The following STXBP4 variants were observed in gnomAD, a reference collection of about 807,000 sequenced individuals.
STXBP4 encodes syntaxin binding protein 4, also known as syntaxin-binding protein 4.
A neutral mutation model predicts 76.1 loss-of-function variants in STXBP4; 55 were observed. The observed-to-expected ratio is 0.72, with a 90% CI of 0.58 to 0.91. The LOEUF (loss-of-function observed/expected upper bound fraction) is 0.91. Among genes scored for constraint, STXBP4 ranks in the 40% least tolerant of loss-of-function variants. The probability of loss-of-function intolerance (pLI) is 0.00; values close to 1 mark genes in which losing one functional copy is unlikely to be tolerated. For synonymous variants in STXBP4, 201 were observed against 220.2 expected (o/e 0.91, Z 0.77); for missense variants, 618 against 636.9 (o/e 0.97, Z 0.32).
chr17:55,007,289 G>A (rs12051894), intron 7 of STXBP4, among the ~76,000 whole-genome samples: 30,210 of 150,874 alleles, frequency 0.2, 3,271 homozygotes, highest in Middle Eastern at 0.35. Flanking sequence ...AGCCAAGATC[G>A]TGCTACTGCA....
chr17:55,165,854 T>G lies in STXBP4; in HGVS notation c.*5943T>G, dbSNP rs1306252162. The G allele has an allele frequency of 6.6e-6, 1 of 152,382 alleles. No homozygotes were observed. Among genetic ancestry groups the G allele is most frequent in the Non-Finnish European group, 1.5e-5 (1 of 68,180 alleles). 9.4% of individuals were successfully genotyped at this position (152,382 alleles called of 1,614,324 possible). ...AGGATGCAGCAAGAAGTTGCCATCT[T>G]TGAAGCAGAGAGCAAGCCCTCACCA... is the stretch of plus-strand genomic sequence containing the variant. On this transcript the variant is annotated 3_prime_UTR_variant, in exon 18 of 18. Coordinates refer to ENST00000376352, the MANE Select transcript of STXBP4 (RefSeq NM_178509.6).
chr17:55,021,478 C>G (rs534454233), intron 8 of STXBP4, among the ~76,000 whole-genome samples: 4 of 152,142 alleles, frequency 2.6e-5, no homozygotes, highest in Non-Finnish European at 5.9e-5. Context: ...GAGCCATGAT[C>G]ATGCCACTGT....
At chr17:55,054,643 C>T (rs1242198359) in intron 12 of STXBP4, among the ~76,000 whole-genome samples, 2 of 152,070 alleles carry the variant, frequency 1.3e-5, no homozygotes, top group Non-Finnish European at 2.9e-5. Context: ...TCTCAGCTTC[C>T]TCATCTGCAA....
At chr17:55,008,449 T>G (rs1240530552) in intron 8 of STXBP4, among the ~76,000 whole-genome samples, 1 of 152,100 alleles carries the variant, frequency 6.6e-6, no homozygotes, top group Non-Finnish European at 1.5e-5. Context: ...GGAGAAAAGT[T>G]TTCTCACCCA....
At chr17:55,198,516 G>A in the STXBP4 span, among the ~76,000 whole-genome samples, 2 of 152,056 alleles carry the variant, frequency 1.3e-5, no homozygotes, top group Admixed American at 1.3e-4. Context: ...TCTCAACTAG[G>A]GGTGCACATA....
In STXBP4 at chr17:55,160,458, A is replaced by T. The variant is rs1598358899; in HGVS notation, c.*547A>T. The T allele has an allele frequency of 6.6e-6, 1 of 152,618 alleles. No homozygotes were observed. Among genetic ancestry groups the T allele is most frequent in the East Asian group, 1.9e-4 (1 of 5,188 alleles). The allele number at this position is 152,618 out of a possible 1,614,324, so 9.5% of individuals were successfully genotyped here. A position where few individuals can be genotyped will look rare whatever the true frequency, so the allele number is the denominator to read the frequency against. The stretch of plus-strand genomic sequence containing the variant: ...TTCTAATTTACAAAATGCTTTGTAG[A>T]CCCCATTGTCTTTAAACCATACAAC... On this transcript the variant is annotated 3_prime_UTR_variant, in exon 18 of 18. Transcript: ENST00000376352.
At chr17:55,074,473 G>A (rs2079157072) in intron 13 of STXBP4, among the ~76,000 whole-genome samples, 1 of 152,136 alleles carries the variant, frequency 6.6e-6, no homozygotes, top group Admixed American at 6.5e-5. Context: ...ACTTTAGCCT[G>A]AGTATGAAAA....
At position 55,164,925 on chromosome 17, in the gene STXBP4, G is replaced by A. The variant is rs540702838; in HGVS notation, c.*5014G>A. The stretch of plus-strand genomic sequence containing the variant: ...GCTACTAGAGGCCAGACACTTCACT[G>A]AGTAGTAGGGATACAATGTGAGATA... On this transcript the variant is annotated 3_prime_UTR_variant, in exon 18 of 18. Coordinates refer to ENST00000376352, the MANE Select transcript of STXBP4 (RefSeq NM_178509.6). The A allele has an allele frequency of 5.3e-5, 8 of 152,190 alleles. No homozygotes were observed. The highest frequency in any genetic ancestry group is 1.2e-4 in the Non-Finnish European group (8 of 68,010). The allele number at this position is 152,190 out of a possible 1,614,324, so 9.4% of individuals were successfully genotyped here.
intron 4 of STXBP4, among the ~76,000 whole-genome samples, chr17:54,992,774 A>C (rs2077739415): frequency 1.4e-5 from 2 of 145,186 alleles, no homozygotes; most frequent in African/African-American, 5.1e-5. Context: ...GCAGTGGCAC[A>C]ATCTCGGCTC....
the STXBP4 span, among the ~76,000 whole-genome samples, chr17:55,203,421 C>T: frequency 5.8e-4 from 88 of 152,144 alleles, no homozygotes; most frequent in African/African-American, 1.9e-3. Flanking sequence ...TTTAAAAAAA[C>T]GACAGCTACA....
intron 17 of STXBP4, among the ~76,000 whole-genome samples, 185 bp downstream of exon 17, chr17:55,141,552 GA>G (rs1053126110): frequency 6.6e-6 from 1 of 152,044 alleles, no homozygotes; most frequent in African/African-American, 2.4e-5. Context: ...TCATTTGGGG[GA>G]AAAAACCTGG....
intron 10 of STXBP4, among the ~76,000 whole-genome samples, chr17:55,038,048 C>T (rs1274438392): frequency 6.6e-6 from 1 of 152,036 alleles, no homozygotes; most frequent in African/African-American, 2.4e-5. Flanking sequence ...CTATGGTTAC[C>T]CTGTCAACCG....
chr17:55,028,224 A>G (rs1021720611), intron 8 of STXBP4, among the ~76,000 whole-genome samples: 3 of 152,276 alleles, frequency 2.0e-5, no homozygotes, highest in Admixed American at 6.5e-5. Flanking sequence ...AGCAAAGAGC[A>G]CTAGCACTTT....
chr17:55,136,031 C>T (rs2080025051), intron 16 of STXBP4, among the ~76,000 whole-genome samples: 1 of 152,146 alleles, frequency 6.6e-6, no homozygotes, highest in Non-Finnish European at 1.5e-5. Context: ...GTTATTTAAA[C>T]TTCTTTATCC....
At chr17:55,115,636 A>G (rs1039230922) in intron 16 of STXBP4, among the ~76,000 whole-genome samples, 34 of 151,912 alleles carry the variant, frequency 2.2e-4, no homozygotes, top group Middle Eastern at 3.4e-3. Context: ...TTTCTCTTTA[A>G]TAAAATGCAG....
chr17:55,011,276 T>A (rs1348166058), intron 8 of STXBP4, among the ~76,000 whole-genome samples: 1 of 151,888 alleles, frequency 6.6e-6, no homozygotes, highest in African/African-American at 2.4e-5. Context: ...AAAATATTAA[T>A]CATGTACAAG....
intron 4 of STXBP4, among the ~76,000 whole-genome samples, chr17:54,997,543 A>ATATATAATATAAATATATAT (rs1567709912): frequency 6.9e-6 from 1 of 145,436 alleles, no homozygotes; most frequent in East Asian, 2.0e-4. Flanking sequence ...TAACATAAAT[A>ATATATAATATAAATATATAT]TATATAATAT....
chr17:55,050,044 A>G (rs771195992), intron 12 of STXBP4, among the ~76,000 whole-genome samples: 3 of 152,110 alleles, frequency 2.0e-5, no homozygotes, highest in Non-Finnish European at 2.9e-5. Context: ...AAAATGGCAC[A>G]AAAAAGAAGA....
At chr17:55,202,861 C>T in the STXBP4 span, among the ~76,000 whole-genome samples, 1 of 152,116 alleles carries the variant, frequency 6.6e-6, no homozygotes, top group East Asian at 1.9e-4. Flanking sequence ...CTTTTTACTA[C>T]ATTCCTTTAA....
Sources: allele counts gnomAD v4.1 joint callset (sites outside exome capture counted in the v4.1 genomes callset), GRCh38; gene constraint gnomAD v4.1.1; transcripts MANE v1.5; gene names NCBI Gene and HGNC (gene_info 2026-07-23, HGNC 2026-07-21).